Variants in RYR2 observed in about 807,000 individuals in gnomAD.
RYR2 encodes cardiac muscle ryanodine receptor-calcium release channel.
Under a neutral mutation model 601.1 loss-of-function variants are expected in RYR2, and 227 were observed. That is an observed-to-expected ratio of 0.38 (90% CI 0.34 to 0.42). The LOEUF is 0.42. RYR2 is among the 10% of genes least tolerant of loss of function. The pLI is 1.00. For missense variants in RYR2, 4,646 were observed against 6,156.5 expected, an observed-to-expected ratio of 0.75 and a Z score of 8.21; for synonymous variants, 2,223 against 2,175.1, an observed-to-expected ratio of 1.02 and a Z score of -0.61.
intron 36 of RYR2, among the ~76,000 whole-genome samples, chr1:237,611,888 T>C (rs1442383345): frequency 1.3e-5 from 2 of 152,150 alleles, no homozygotes; most frequent in African/African-American, 2.4e-5. Flanking sequence ...AATAAAATTA[T>C]AGCGTTAACA....
chr1:237,149,513 A>G (rs906170620), intron 1 of RYR2, among the ~76,000 whole-genome samples: 1 of 152,192 alleles, frequency 6.6e-6, no homozygotes, highest in African/African-American at 2.4e-5. Flanking sequence ...ATAATGGCTC[A>G]TTTAATAGGA....
intron 76 of RYR2, among the ~76,000 whole-genome samples, chr1:237,728,214 C>G (rs769298307): frequency 2.6e-5 from 4 of 152,036 alleles, no homozygotes; most frequent in Non-Finnish European, 5.9e-5. Flanking sequence ...ATAAGCAAAA[C>G]AAATAGAGGA....
intron 36 of RYR2, 124 bp downstream of exon 36, chr1:237,611,112 T>A: frequency 1.3e-6 from 1 of 750,642 alleles, no homozygotes. Context: ...TTTACAAAGA[T>A]CTAAATTCTT....
intron 1 of RYR2, among the ~76,000 whole-genome samples, chr1:237,247,254 A>C (rs1686944873): frequency 6.6e-6 from 1 of 152,220 alleles, no homozygotes; most frequent in Admixed American, 6.5e-5. Context: ...TAAGCATTTA[A>C]GCTCGTGCAA....
At position 237,548,537 on chromosome 1, in the gene RYR2, A is replaced by G. The variant is rs749889022; in HGVS notation, c.3013A>G (p.Asn1005Asp). Reference sequence around the variant, plus strand: ...GGACAAGTTGGCAGAAAATGCACATAATGTGTGGGCGCGGGATCGAATCCG... The same window carrying G: ...GGACAAGTTGGCAGAAAATGCACATGATGTGTGGGCGCGGGATCGAATCCG... ...MVDKLAENAH[N>D]VWARDRIRQG... The change falls in exon 26 of 105, where the codon AAT (asparagine) becomes GAT (aspartate). Residue 1005 changes from asparagine to aspartate, a missense_variant. Asn to Asp is a conservative substitution (Grantham distance 23). Transcript: ENST00000366574. 1.9e-6 allele frequency: 3 copies of G among 1,613,968 alleles called. No individual in the cohort carries two copies. The highest frequency in any genetic ancestry group is 2.2e-5 in the East Asian group (1 of 44,882).
chr1:237,341,598 G>A (rs201569613), intron 3 of RYR2: 5 of 510,208 alleles, frequency 9.8e-6, no homozygotes, highest in South Asian at 1.4e-5. Flanking sequence ...TGTGGTATTC[G>A]CTTGCTATAC....
chr1:237,104,191 C>T (rs574870807), intron 1 of RYR2, among the ~76,000 whole-genome samples: 40 of 152,244 alleles, frequency 2.6e-4, no homozygotes, highest in African/African-American at 8.4e-4. Context: ...ATCCATGGAA[C>T]GTGCCTGTCT....
At chr1:237,742,244 C>T in intron 79 of RYR2, 52 bp from the exon 80 acceptor site, 2 of 1,260,412 alleles carry the variant, frequency 1.6e-6, no homozygotes, top group African/African-American at 1.5e-5. Flanking sequence ...TTTGCACTTT[C>T]TAAAATCTCA....
chr1:237,338,629 T>C (rs1402734554), intron 3 of RYR2, among the ~76,000 whole-genome samples: 1 of 152,206 alleles, frequency 6.6e-6, no homozygotes, highest in Non-Finnish European at 1.5e-5. Context: ...TATAGTCTCT[T>C]CTGTGTCAGG....
chr1:237,086,020 G>T (rs1242038928), intron 1 of RYR2, among the ~76,000 whole-genome samples: 3 of 152,220 alleles, frequency 2.0e-5, no homozygotes, highest in Non-Finnish European at 4.4e-5. Flanking sequence ...CTCTCAAAGT[G>T]CTGGGATTAT....
intron 3 of RYR2, among the ~76,000 whole-genome samples, chr1:237,349,284 C>G (rs1299316011): frequency 6.6e-6 from 1 of 152,122 alleles, no homozygotes; most frequent in Admixed American, 6.5e-5. Flanking sequence ...AATCAGAAGA[C>G]AAAGGCATGA....
At chr1:237,617,772 A>G (rs1678634006) in intron 38 of RYR2, among the ~76,000 whole-genome samples, 1 of 152,166 alleles carries the variant, frequency 6.6e-6, no homozygotes, top group Non-Finnish European at 1.5e-5. Flanking sequence ...TCAACCACAA[A>G]TGGGTCTTCA....
intron 56 of RYR2, among the ~76,000 whole-genome samples, chr1:237,662,732 G>A (rs1489323148): frequency 6.6e-6 from 1 of 152,156 alleles, no homozygotes; most frequent in Non-Finnish European, 1.5e-5. Flanking sequence ...ATGTCTTAGT[G>A]ATTTTCACGG....
chr1:237,823,192 CT>C (rs1662712452), intron 101 of RYR2, among the ~76,000 whole-genome samples: 1 of 152,196 alleles, frequency 6.6e-6, no homozygotes, highest in African/African-American at 2.4e-5. Context: ...TAACAGACAT[CT>C]ACAGAACTCT....
At chr1:237,099,738 T>C (rs1667873602) in intron 1 of RYR2, among the ~76,000 whole-genome samples, 1 of 152,268 alleles carries the variant, frequency 6.6e-6, no homozygotes, top group African/African-American at 2.4e-5. Context: ...TTTTAGTGTT[T>C]ATTTGGGGCA....
At position 237,505,550 on chromosome 1, in the gene RYR2, C is replaced by T. The variant is rs560169200; in HGVS notation, c.2614-1160C>T. Among the ~76,000 whole-genome samples the T allele has an allele frequency of 7.9e-5, 12 of 152,204 alleles. 1 individual carries two copies. In the South Asian group the frequency reaches 2.5e-3, roughly 32 times the overall value. ...CATGGCCAAAATTCAGTTTGCATTG[C>T]CCATTGCTAAAAGGTGGGAGGATAT... On this transcript the variant is annotated intron_variant, in intron 22 of 104. Coordinates refer to ENST00000366574, the MANE Select transcript of RYR2 (RefSeq NM_001035.3).
Position 237,639,247 on chromosome 1 carries a change from T to C in RYR2, c.7115+46T>C, listed in dbSNP as rs1396460199. On this transcript the variant is annotated intron_variant, in intron 46 of 104. Transcript: ENST00000366574. Reference sequence around the variant, plus strand: ...CTCACGAGTGATCCATACTACTTGATGTGAAATTTTATAAAATATATTCTG... The same window carrying C: ...CTCACGAGTGATCCATACTACTTGACGTGAAATTTTATAAAATATATTCTG... The C allele has an allele frequency of 2.7e-6, 4 of 1,502,310 alleles. No individual in the cohort carries two copies. In the South Asian group the frequency reaches 5.5e-5, roughly 21 times the overall value. 93.1% of individuals were successfully genotyped at this position (1,502,310 alleles called of 1,614,324 possible). A position where few individuals can be genotyped will look rare whatever the true frequency, so the allele number is the denominator to read the frequency against.
intron 10 of RYR2, among the ~76,000 whole-genome samples, chr1:237,401,461 A>T (rs1347247704): frequency 0.012 from 1,837 of 152,282 alleles, 48 homozygotes; most frequent in African/African-American, 0.042. Flanking sequence ...TGACTCACAG[A>T]ACACAGATGT....
At position 237,638,417 on chromosome 1, in the gene RYR2, T is replaced by A. The variant is rs1681099721; in HGVS notation, c.6853T>A (p.Tyr2285Asn). ...TTGCCAGATGCTGGTGTCTAAGGGC[T>A]ATCCAGACATTGGGTGGAACCCAGT... ...QSCQMLVSKG[Y>N]PDIGWNPVEG... The change falls in exon 45 of 105, where the codon TAT becomes AAT. Residue 2285 changes from tyrosine to asparagine, a missense_variant. Tyr to Asn is a moderately radical substitution (Grantham distance 143). Coordinates refer to ENST00000366574, the MANE Select transcript of RYR2 (RefSeq NM_001035.3). The A allele has an allele frequency of 1.2e-6, 2 of 1,614,000 alleles. No individual in the cohort carries two copies. Among genetic ancestry groups the A allele is most frequent in the Non-Finnish European group, 1.7e-6 (2 of 1,179,854 alleles).
Sources: gnomAD v4.1 joint callset for allele counts (sites outside exome capture counted in the v4.1 genomes callset) on GRCh38, gnomAD v4.1.1 for gene constraint, MANE v1.5 for transcripts, NCBI Gene and HGNC (gene_info 2026-07-23, HGNC 2026-07-21) for gene names.